CELF2: variants seen among roughly 807,000 people sequenced by gnomAD.
CELF2 encodes CUG triplet repeat RNA-binding protein 2.
Under a neutral mutation model 62.6 loss-of-function variants are expected in CELF2, and 8 were observed. The ratio of observed to expected loss-of-function variants is 0.13; its 90% CI spans 0.07 to 0.23. The LOEUF (loss-of-function observed/expected upper bound fraction) is 0.23, where lower values mean the gene tolerates loss of function less well. Ranked by LOEUF, CELF2 falls within the 10% of genes least tolerant of loss-of-function variation. The pLI is 1.00. For synonymous variants in CELF2, 258 were observed against 250.0 expected (o/e 1.03, Z -0.30); for missense variants, 333 against 671.0 (o/e 0.50, Z 5.56).
intron 2 of CELF2, among the ~76,000 whole-genome samples, chr10:11,172,378 A>G (rs893009881): frequency 2.0e-5 from 3 of 152,250 alleles, no homozygotes; most frequent in Non-Finnish European, 4.4e-5. Context: ...TTCACTGCCT[A>G]CATCATACAG....
At chr10:10,940,389 G>A (rs2046921874) in intron 2 of CELF2, among the ~76,000 whole-genome samples, 1 of 152,210 alleles carries the variant, frequency 6.6e-6, no homozygotes, top group Admixed American at 6.5e-5. Context: ...TCCCACAAAA[G>A]CAGCTAACTT....
At chr10:10,580,024 A>T in the CELF2 span, among the ~76,000 whole-genome samples, 15 of 152,190 alleles carry the variant, frequency 9.9e-5, no homozygotes, top group Non-Finnish European at 2.2e-4. Context: ...ATCAAAAAAG[A>T]TTACCATAAA....
chr10:10,487,252 T>A, the CELF2 span, among the ~76,000 whole-genome samples: 1 of 152,194 alleles, frequency 6.6e-6, no homozygotes, highest in Non-Finnish European at 1.5e-5. Context: ...GTTTTACTTA[T>A]AGCACAGTTG....
chr10:10,901,399 A>C (rs1365280658), intron 1 of CELF2, among the ~76,000 whole-genome samples: 1 of 152,266 alleles, frequency 6.6e-6, no homozygotes, highest in African/African-American at 2.4e-5. Context: ...GATTTCCCAC[A>C]AAGGTGCAAA....
chr10:11,019,682 G>A (rs952763558), intron 1 of CELF2, among the ~76,000 whole-genome samples: 2 of 152,174 alleles, frequency 1.3e-5, no homozygotes, highest in African/African-American at 4.8e-5. Context: ...TAATTTGCTT[G>A]TACACGATCA....
chr10:10,954,459 G>T (rs2048682414), intron 2 of CELF2, among the ~76,000 whole-genome samples: 1 of 151,978 alleles, frequency 6.6e-6, no homozygotes, highest in South Asian at 2.1e-4. Context: ...TGTTGGTCAG[G>T]CAGGTCCCGA....
chr10:11,102,040 A>G (rs186781711), intron 1 of CELF2: 13 of 152,310 alleles, frequency 8.5e-5, no homozygotes, highest in Non-Finnish European at 1.6e-4. Flanking sequence ...TTACTGAACT[A>G]ATTGTCATGG....
Position 11,334,078 on chromosome 10 carries a change from A to AAAAT in CELF2, c.*5028_*5031dup, listed in dbSNP as rs1180654654. 1 of 152,632 alleles carries AAAAT rather than the reference A, an allele frequency of 6.6e-6. No individual in the cohort carries two copies. The highest frequency in any genetic ancestry group is 2.4e-5 in the African/African-American group (1 of 41,460). 9.5% of individuals were successfully genotyped at this position (152,632 alleles called of 1,614,324 possible). On this transcript the variant is annotated 3_prime_UTR_variant, in exon 13 of 13. Coordinates refer to ENST00000633077, the MANE Select transcript of CELF2 (RefSeq NM_001326342.2). ...ATATCTAGCATTAGAATTTTGTCTT[A>AAAAT]AAATAACAGCGGTAAGTTTCACTTT...
At chr10:10,969,234 G>A (rs1353875858) in intron 2 of CELF2, among the ~76,000 whole-genome samples, 1 of 152,178 alleles carries the variant, frequency 6.6e-6, no homozygotes, top group Non-Finnish European at 1.5e-5. Context: ...TCCAGCCTGG[G>A]CAACAGAGCA....
intron 1 of CELF2, among the ~76,000 whole-genome samples, chr10:11,078,391 C>T (rs2072813689): frequency 6.6e-6 from 1 of 152,160 alleles, no homozygotes; most frequent in Non-Finnish European, 1.5e-5. Context: ...CACTGCTTTT[C>T]CAGAGCTGAA....
In CELF2 at chr10:11,178,191, C is replaced by A. The variant is rs1193760089; in HGVS notation, c.271+12509C>A. On this transcript the variant is annotated intron_variant, in intron 2 of 12. Coordinates refer to ENST00000633077, the MANE Select transcript of CELF2 (RefSeq NM_001326342.2). The surrounding 1 kb of genome is among the most constrained non-coding windows in gnomAD (Gnocchi z 4.3). ...ATGCGCGTTCTGTGCCCAGTCCTCG[C>A]TCCCCTTTGCCAACCGGGCTGCTGA... is the stretch of plus-strand genomic sequence containing the variant. Among the ~76,000 whole-genome samples, 2 of 152,236 alleles carry A rather than the reference C, an allele frequency of 1.3e-5. No homozygotes were observed. Among genetic ancestry groups the A allele is most frequent in the African/African-American group, 4.8e-5 (2 of 41,474 alleles).
chr10:10,928,328 C>T lies in CELF2; in HGVS notation c.89+8329C>T, dbSNP rs1272049168. On this transcript the variant is annotated intron_variant, in intron 2 of 13. Coordinates refer to the CELF2 transcript ENST00000636488. The surrounding 1 kb of genome is among the most constrained non-coding windows in gnomAD (Gnocchi z 4.8). Reference sequence around the variant, plus strand: ...ATTTCAGAGATAAGAAAACTGAGATCTGGTCTCCTACTCTTTGTATGTGTT... The same window carrying T: ...ATTTCAGAGATAAGAAAACTGAGATTTGGTCTCCTACTCTTTGTATGTGTT... Among the ~76,000 whole-genome samples, 1 of 152,130 alleles carries T rather than the reference C, an allele frequency of 6.6e-6. No individual in the cohort carries two copies. The highest frequency in any genetic ancestry group is 1.5e-5 in the Non-Finnish European group (1 of 68,014).
the CELF2 span, among the ~76,000 whole-genome samples, chr10:10,723,599 A>G: frequency 2.6e-5 from 4 of 152,218 alleles, no homozygotes; most frequent in Non-Finnish European, 4.4e-5. Context: ...CAGTGTACAC[A>G]GTTCCTCATT....
At chr10:11,063,526 A>T (rs1431646809) in intron 1 of CELF2, among the ~76,000 whole-genome samples, 3 of 152,254 alleles carry the variant, frequency 2.0e-5, no homozygotes, top group African/African-American at 7.2e-5. Flanking sequence ...ATTTGGGGTC[A>T]CATTTTAAGT....
chr10:11,288,448 C>T lies in CELF2; in HGVS notation c.872C>T (p.Ala291Val), dbSNP rs1210960574. ...AATGCTTTACAGTTGCAGAACCTGGCGACGCTGGCTGCTGCTGCAGCTGCG... is the reference window on the plus strand; with the variant it reads ...AATGCTTTACAGTTGCAGAACCTGGTGACGCTGGCTGCTGCTGCAGCTGCG... ...GMNALQLQNLATLAAAAAAAQ... is the reference protein window; with the variant it reads ...GMNALQLQNLVTLAAAAAAAQ... Residue 291 changes from alanine to valine, a missense_variant, in exon 9 of 13, where the codon GCG (alanine) becomes GTG (valine). Physicochemically the swap from Ala to Val is moderately conservative, Grantham distance 64. Transcript: ENST00000633077. 5.6e-6 allele frequency: 9 copies of T among 1,614,074 alleles called. No individual in the cohort carries two copies. Among genetic ancestry groups the T allele is most frequent in the Admixed American group, 1.7e-5 (1 of 60,026 alleles).
At chr10:10,657,321 A>G in the CELF2 span, among the ~76,000 whole-genome samples, 2 of 152,134 alleles carry the variant, frequency 1.3e-5, no homozygotes, top group Non-Finnish European at 2.9e-5. Flanking sequence ...AGTAATGAAG[A>G]TGTTCTAAAA....
At chr10:10,554,392 T>C in the CELF2 span, among the ~76,000 whole-genome samples, 1 of 152,156 alleles carries the variant, frequency 6.6e-6, no homozygotes, top group Non-Finnish European at 1.5e-5. Context: ...TCTGATTGTG[T>C]CCTTCTGTTC....
chr10:10,779,773 C>T, the CELF2 span, among the ~76,000 whole-genome samples: 10 of 151,910 alleles, frequency 6.6e-5, no homozygotes, highest in Admixed American at 6.6e-4. Context: ...AAAGTGCAGT[C>T]AGTATTGAGA....
chr10:10,550,894 C>G, the CELF2 span, among the ~76,000 whole-genome samples: 1 of 151,484 alleles, frequency 6.6e-6, no homozygotes, highest in Middle Eastern at 3.2e-3. Context: ...GATGGGGTTT[C>G]TCCATGTTGA....
Sources: gnomAD v4.1 joint callset for allele counts (sites outside exome capture counted in the v4.1 genomes callset) on GRCh38, gnomAD v4.1.1 for gene constraint, Gnocchi (gnomAD v3.1) non-coding constraint, MANE v1.5 for transcripts, NCBI Gene and HGNC (gene_info 2026-07-23, HGNC 2026-07-21) for gene names.